Variants in GLIS3 observed in about 807,000 individuals in gnomAD.
GLIS3 encodes GLIS family zinc finger 3, also known as zinc finger protein GLIS3.
In GLIS3, 53 loss-of-function variants were observed where a neutral mutation model predicts 78.6. The observed-to-expected ratio is 0.67, with a 90% CI of 0.54 to 0.85. GLIS3 has a LOEUF of 0.85. Ranked by LOEUF, GLIS3 falls within the 40% of genes least tolerant of loss-of-function variation. GLIS3 has a pLI of 0.00. For missense variants in GLIS3, 1,703 were observed against 1,231.1 expected (o/e 1.38, Z -5.74); for synonymous variants, 684 against 509.9 (o/e 1.34, Z -4.60).
At chr9:4,339,628 G>C (rs745347906) in intron 2 of GLIS3, among the ~76,000 whole-genome samples, 1 of 149,612 alleles carries the variant, frequency 6.7e-6, no homozygotes, top group East Asian at 2.0e-4. Context: ...GTCAGGTAAA[G>C]CTAATCAGAC....
At chr9:3,991,745 C>T (rs151122722) in intron 4 of GLIS3, among the ~76,000 whole-genome samples, 2,678 of 128,444 alleles carry the variant, frequency 0.021, 84 homozygotes, top group African/African-American at 0.075. Flanking sequence ...GGCTGGAGTG[C>T]AGTGGTGGGA....
chr9:4,277,934 G>A (rs563510678), intron 2 of GLIS3, among the ~76,000 whole-genome samples: 1 of 152,256 alleles, frequency 6.6e-6, no homozygotes, highest in South Asian at 2.1e-4. Flanking sequence ...AGACTAATAA[G>A]TTGCCAACTG....
chr9:4,049,035 A>G (rs1825487882), intron 4 of GLIS3, among the ~76,000 whole-genome samples: 1 of 152,210 alleles, frequency 6.6e-6, no homozygotes, highest in African/African-American at 2.4e-5. Context: ...GAGAGGGCTA[A>G]GAACAAATGG....
chr9:4,092,213 G>T (rs933130904), intron 4 of GLIS3, among the ~76,000 whole-genome samples: 3 of 148,148 alleles, frequency 2.0e-5, no homozygotes, highest in African/African-American at 7.5e-5. Flanking sequence ...GTGGAGTGGC[G>T]CAGTCTCGGC....
At chr9:4,160,097 T>G (rs1316262998) in intron 2 of GLIS3, among the ~76,000 whole-genome samples, 1 of 152,238 alleles carries the variant, frequency 6.6e-6, no homozygotes, top group African/African-American at 2.4e-5. Context: ...GAAAAGGAGA[T>G]AGCCTGCTAG....
intron 1 of GLIS3, among the ~76,000 whole-genome samples, chr9:4,293,758 A>G (rs968122429): frequency 6.6e-6 from 1 of 152,240 alleles, no homozygotes; most frequent in African/African-American, 2.4e-5. Context: ...TTTATCATGG[A>G]GCATAGGACA....
chr9:3,992,991 C>T (rs1055406858), intron 4 of GLIS3, among the ~76,000 whole-genome samples: 1 of 152,192 alleles, frequency 6.6e-6, no homozygotes, highest in Non-Finnish European at 1.5e-5. Flanking sequence ...AGCTAAGGCT[C>T]TCAGTAAGGC....
At chr9:4,419,546 T>A in the GLIS3 span, among the ~76,000 whole-genome samples, 891 of 152,200 alleles carry the variant, frequency 5.9e-3, 9 homozygotes, top group Non-Finnish European at 9.4e-3. Context: ...TCCCAGCATT[T>A]GAGGAGGCCG....
At position 3,991,981 on chromosome 9, in the gene GLIS3, T is replaced by C. The variant is rs193042982; in HGVS notation, c.1711-54792A>G. 4.8e-3 allele frequency among the ~76,000 whole-genome samples: 727 copies of C among 152,252 alleles called. 1 individual carries two copies. The highest frequency in any genetic ancestry group is 6.5e-3 in the Non-Finnish European group (443 of 68,008). On this transcript the variant is annotated intron_variant, in intron 4 of 10. Coordinates refer to ENST00000381971, the MANE Select transcript of GLIS3 (RefSeq NM_001042413.2). ...CTGGGATTACAGGCATGAGCCACCC[T>C]GCCCGGCCAGTAGGCTGAATTTTTA...
At chr9:4,385,796 A>C in the GLIS3 span, among the ~76,000 whole-genome samples, 1 of 78,148 alleles carries the variant, frequency 1.3e-5, no homozygotes, top group African/African-American at 6.9e-5. Flanking sequence ...AAAGAAAGAA[A>C]GAAAGAAAGA....
At chr9:3,929,574 C>A (rs949454020) in intron 6 of GLIS3, among the ~76,000 whole-genome samples, 3 of 152,112 alleles carry the variant, frequency 2.0e-5, no homozygotes, top group East Asian at 1.9e-4. Context: ...AACCTTAAGA[C>A]CAAAATAATG....
the GLIS3 span, among the ~76,000 whole-genome samples, chr9:4,403,763 G>C: frequency 6.6e-6 from 1 of 151,896 alleles, no homozygotes. Flanking sequence ...CATACCACCA[G>C]AGAAAATCAC....
chr9:4,174,618 TG>T (rs1422730464), intron 2 of GLIS3, among the ~76,000 whole-genome samples: 1 of 152,228 alleles, frequency 6.6e-6, no homozygotes, highest in Non-Finnish European at 1.5e-5. Context: ...CGCCTTTTAT[TG>T]CATATGCTAA....
At chr9:3,938,049 T>C (rs1825993472) in intron 4 of GLIS3, among the ~76,000 whole-genome samples, 1 of 152,160 alleles carries the variant, frequency 6.6e-6, no homozygotes, top group South Asian at 2.1e-4. Flanking sequence ...AGGGTCAAAG[T>C]GATTCCAATC....
At chr9:3,841,635 G>A (rs1164828990) in intron 9 of GLIS3, among the ~76,000 whole-genome samples, 3 of 152,182 alleles carry the variant, frequency 2.0e-5, no homozygotes, top group South Asian at 2.1e-4. Context: ...GAAGGGTGGA[G>A]GATTTGGATA....
intron 8 of GLIS3, among the ~76,000 whole-genome samples, chr9:3,867,724 TGTGTGCGTGC>T (rs71324271): frequency 0.75 from 101,731 of 135,506 alleles, 34,511 homozygotes; most frequent in East Asian, 0.89. Context: ...CTTGTGTGTG[TGTGTGCGTGC>T]GTGTGTGTGT....
At chr9:4,337,875 T>G (rs1817775864) in intron 2 of GLIS3, among the ~76,000 whole-genome samples, 1 of 152,108 alleles carries the variant, frequency 6.6e-6, no homozygotes, top group East Asian at 1.9e-4. Context: ...TACCCCCATT[T>G]GAAAGATGAA....
At chr9:3,885,240 C>T (rs149254373) in intron 7 of GLIS3, among the ~76,000 whole-genome samples, 50 of 152,278 alleles carry the variant, frequency 3.3e-4, no homozygotes, top group African/African-American at 1.2e-3. Flanking sequence ...AAGGGTTATT[C>T]GTGAGCAATT....
Position 3,828,190 on chromosome 9 carries a change from C to T in GLIS3, c.*82G>A. On this transcript the variant is annotated 3_prime_UTR_variant, in exon 11 of 11. Coordinates refer to ENST00000381971, the MANE Select transcript of GLIS3 (RefSeq NM_001042413.2). Reference sequence around the variant, plus strand: ...CGCTGATTGGGCTGACATCCTTCCTCAAGCAGTCTGTGAGAGTACGAAAAC... The same window carrying T: ...CGCTGATTGGGCTGACATCCTTCCTTAAGCAGTCTGTGAGAGTACGAAAAC... 6.5e-7 allele frequency: 1 copy of T among 1,539,986 alleles called. No individual in the cohort carries two copies. The highest frequency in any genetic ancestry group is 9.0e-7 in the Non-Finnish European group (1 of 1,116,372).
Sources: allele counts gnomAD v4.1 joint callset (sites outside exome capture counted in the v4.1 genomes callset), GRCh38; gene constraint gnomAD v4.1.1; transcripts MANE v1.5; gene names NCBI Gene and HGNC (gene_info 2026-07-23, HGNC 2026-07-21).